KIRREL3: variants seen among roughly 807,000 people sequenced by gnomAD.
KIRREL3 encodes the protein kin of IRRE-like protein 3.
A neutral mutation model predicts 89.7 loss-of-function variants in KIRREL3; 36 were observed. That is an observed-to-expected ratio of 0.40 (90% CI 0.31 to 0.53). The LOEUF (loss-of-function observed/expected upper bound fraction) is 0.53. Among genes scored for constraint, KIRREL3 ranks in the 20% least tolerant of loss-of-function variants. KIRREL3 has a pLI of 0.49. For synonymous variants in KIRREL3, 445 were observed against 441.4 expected (o/e 1.01, Z -0.10); for missense variants, 864 against 1,056.6 (o/e 0.82, Z 2.53).
At chr11:126,855,102 G>C in intron 1 of KIRREL3, among the ~76,000 whole-genome samples, 1 of 152,166 alleles carries the variant, frequency 6.6e-6, no homozygotes, top group East Asian at 1.9e-4. Context: ...CATCATCACG[G>C]TGTTAGATTG....
At chr11:126,961,109 C>G (rs1042325710) in intron 1 of KIRREL3, among the ~76,000 whole-genome samples, 5 of 152,170 alleles carry the variant, frequency 3.3e-5, no homozygotes, top group East Asian at 1.9e-4. Context: ...TTCCTCAAGC[C>G]TCCCTATTCC....
intron 1 of KIRREL3, among the ~76,000 whole-genome samples, chr11:126,662,830 G>A (rs1945469339): frequency 6.6e-6 from 1 of 151,870 alleles, no homozygotes; most frequent in Admixed American, 6.6e-5. Context: ...GAGACCCAGT[G>A]GGTCACCCCA....
At chr11:126,825,690 A>G (rs189804548) in intron 1 of KIRREL3, among the ~76,000 whole-genome samples, 15 of 152,296 alleles carry the variant, frequency 9.8e-5, no homozygotes, top group Admixed American at 8.5e-4. Flanking sequence ...TTTTTCCACC[A>G]TCCAGGTTCA....
intron 1 of KIRREL3, among the ~76,000 whole-genome samples, chr11:126,701,668 CGAG>C (rs1245546225): frequency 2.0e-5 from 3 of 151,918 alleles, no homozygotes; most frequent in Admixed American, 6.5e-5. Context: ...GAGAAGGGAG[CGAG>C]GAGGTCAGAG....
intron 4 of KIRREL3, among the ~76,000 whole-genome samples, chr11:126,510,333 T>C (rs1958176777): frequency 6.6e-6 from 1 of 152,174 alleles, no homozygotes; most frequent in Non-Finnish European, 1.5e-5. Flanking sequence ...AGCTTCTGCT[T>C]GAATACTCCC....
Position 126,704,344 on chromosome 11 carries a change from T to C in KIRREL3, c.56-141432A>G, listed in dbSNP as rs1211581091. Among the ~76,000 whole-genome samples, 1 of 151,722 alleles carries C rather than the reference T, an allele frequency of 6.6e-6. No homozygotes were observed. ...GGTAGGAAGCATGTTTGTCGGGGTG[T>C]GGGGAGTGCAGGAGAGAGGAGGTGG... On this transcript the variant is annotated intron_variant, in intron 1 of 16. Coordinates refer to ENST00000525144, the MANE Select transcript of KIRREL3 (RefSeq NM_032531.4). This position sits in a 1 kb window ranked among gnomAD's most constrained non-coding sequence, Gnocchi z 4.2.
chr11:126,946,206 C>A lies in KIRREL3; in HGVS notation c.55+54249G>T, dbSNP rs1261166497. 1.6e-5 allele frequency among the ~76,000 whole-genome samples: 2 copies of A among 128,744 alleles called. No homozygotes were observed. The highest frequency in any genetic ancestry group is 3.4e-5 in the Non-Finnish European group (2 of 58,646). 84.5% of individuals were successfully genotyped at this position (128,744 alleles called of 152,430 possible). On this transcript the variant is annotated intron_variant, in intron 1 of 16. Transcript: ENST00000525144. This position sits in a 1 kb window ranked among gnomAD's most constrained non-coding sequence, Gnocchi z 4.1. ...TGCCAGAATTCAAGTTTCAGTTTTT[C>A]CCCTTAAAATGACCCTAAATCCCTT...
At chr11:126,803,179 G>T (rs1951094195) in intron 1 of KIRREL3, among the ~76,000 whole-genome samples, 2 of 152,170 alleles carry the variant, frequency 1.3e-5, no homozygotes, top group Non-Finnish European at 1.5e-5. Context: ...TCCAGCAGTG[G>T]CAGGCTCATG....
At position 126,805,194 on chromosome 11, in the gene KIRREL3, C is replaced by T. The variant is rs1009562386; in HGVS notation, c.55+195261G>A. Among the ~76,000 whole-genome samples, 1 of 152,094 alleles carries T rather than the reference C, an allele frequency of 6.6e-6. No individual in the cohort carries two copies. Among genetic ancestry groups the T allele is most frequent in the Non-Finnish European group, 1.5e-5 (1 of 68,016 alleles). On this transcript the variant is annotated intron_variant, in intron 1 of 16. Coordinates refer to ENST00000525144, the MANE Select transcript of KIRREL3 (RefSeq NM_032531.4). This position sits in a 1 kb window ranked among gnomAD's most constrained non-coding sequence, Gnocchi z 4.3. ...TAACATCTTTGTATTCAGATTAATC[C>T]CTTCATAAATTAATACATGAAACAA... is the stretch of plus-strand genomic sequence containing the variant.
chr11:126,850,146 C>T (rs1466971530), intron 1 of KIRREL3, among the ~76,000 whole-genome samples: 1 of 152,186 alleles, frequency 6.6e-6, no homozygotes, highest in Non-Finnish European at 1.5e-5. Context: ...AGTGAAACAG[C>T]AAACATCGCG....
At chr11:126,777,183 C>G (rs143593244) in intron 1 of KIRREL3, among the ~76,000 whole-genome samples, 1 of 152,038 alleles carries the variant, frequency 6.6e-6, no homozygotes, top group Non-Finnish European at 1.5e-5. Flanking sequence ...TTATCATGAC[C>G]GAGGGATGCT....
intron 1 of KIRREL3, among the ~76,000 whole-genome samples, chr11:126,790,207 A>G (rs946263939): frequency 5.3e-5 from 8 of 152,214 alleles, no homozygotes; most frequent in Admixed American, 6.5e-5. Context: ...CTCTTTCCGC[A>G]ATCTGAGGTC....
intron 5 of KIRREL3, among the ~76,000 whole-genome samples, chr11:126,470,719 G>A (rs1429248801): frequency 2.0e-5 from 3 of 152,186 alleles, no homozygotes; most frequent in Non-Finnish European, 2.9e-5. Context: ...CCCCAGCTGC[G>A]GAGCTTGGGG....
intron 1 of KIRREL3, among the ~76,000 whole-genome samples, chr11:126,598,746 G>A (rs1441872366): frequency 6.6e-6 from 1 of 152,214 alleles, no homozygotes. Context: ...TGCCCACTCT[G>A]TCATTCACTC....
intron 1 of KIRREL3, among the ~76,000 whole-genome samples, chr11:126,717,809 C>T (rs756554150): frequency 3.9e-5 from 6 of 152,180 alleles, no homozygotes; most frequent in Non-Finnish European, 5.9e-5. Flanking sequence ...TGCCACCCTG[C>T]GCTGATGTGT....
At chr11:126,794,090 G>A (rs756197755) in intron 1 of KIRREL3, among the ~76,000 whole-genome samples, 6 of 152,156 alleles carry the variant, frequency 3.9e-5, no homozygotes, top group Non-Finnish European at 7.3e-5. Flanking sequence ...GCTTTCTTAC[G>A]TTATTTAAAA....
intron 1 of KIRREL3, among the ~76,000 whole-genome samples, chr11:126,851,929 A>G (rs4935998): frequency 0.85 from 128,995 of 152,028 alleles, 54,926 homozygotes; most frequent in East Asian, 1. Context: ...CGAGGAGAGT[A>G]GGGCGGGTGG....
intron 1 of KIRREL3, among the ~76,000 whole-genome samples, chr11:126,600,732 A>G (rs1365040378): frequency 6.6e-6 from 1 of 152,186 alleles, no homozygotes; most frequent in Non-Finnish European, 1.5e-5. Flanking sequence ...TATAAGTAAA[A>G]TTTGAATTTT....
intron 1 of KIRREL3, among the ~76,000 whole-genome samples, chr11:126,726,255 C>T (rs181536086): frequency 6.6e-6 from 1 of 152,222 alleles, no homozygotes; most frequent in South Asian, 2.1e-4. Flanking sequence ...AAATCCCTTA[C>T]AAATTAATGA....
Sources: gnomAD v4.1 joint callset for allele counts (sites outside exome capture counted in the v4.1 genomes callset) on GRCh38, gnomAD v4.1.1 for gene constraint, Gnocchi (gnomAD v3.1) non-coding constraint, MANE v1.5 for transcripts, NCBI Gene and HGNC (gene_info 2026-07-23, HGNC 2026-07-21) for gene names.